The following SLC44A5 variants were observed in gnomAD, a reference collection of about 807,000 sequenced individuals.
The protein encoded by SLC44A5 is solute carrier family 44 member 5, also known as choline transporter-like protein 5.
A neutral mutation model predicts 101.8 loss-of-function variants in SLC44A5; 57 were observed. The observed-to-expected ratio is 0.56, with a 90% confidence interval of 0.45 to 0.70. SLC44A5 has a LOEUF of 0.70. Ranked by LOEUF, SLC44A5 falls within the 30% of genes least tolerant of loss-of-function variation. The pLI is 0.00. For synonymous variants in SLC44A5, 281 were observed against 290.9 expected (o/e 0.97, Z 0.35); for missense variants, 737 against 853.1 (o/e 0.86, Z 1.70).
intron 2 of SLC44A5, among the ~76,000 whole-genome samples, chr1:75,423,744 G>C (rs1198458116): frequency 6.6e-6 from 1 of 152,244 alleles, no homozygotes; most frequent in African/African-American, 2.4e-5. Flanking sequence ...ATAGTACTGA[G>C]TGACACCATT....
intron 2 of SLC44A5, 103 bp from the exon 3 acceptor site, chr1:75,396,724 T>C: frequency 1.1e-6 from 1 of 883,252 alleles, no homozygotes; most frequent in Non-Finnish European, 1.9e-6. Flanking sequence ...GTCTTTAGAC[T>C]AACACACAAA....
At chr1:75,427,542 CATTA>C (rs1246419017) in intron 2 of SLC44A5, among the ~76,000 whole-genome samples, 2 of 152,074 alleles carry the variant, frequency 1.3e-5, no homozygotes, top group Non-Finnish European at 2.9e-5. Context: ...GAAAATGTGC[CATTA>C]ATTAATCATG....
In SLC44A5 at chr1:75,217,909, T is replaced by C. The variant is rs745442093; in HGVS notation, c.1581A>G (p.Gln527=). ...AGTATTCTAGTACAATTTTAAACAT[T>C]TGAATTAATGCAATAATTAAAGATC... ...AFGSLIIALI[Q]MFKIVLEYLD... is the part of the protein sequence containing the mutation. The change falls in exon 18 of 24, where the codon CAA becomes CAG. Residue 527 remains glutamine (Q), a synonymous_variant. Transcript: ENST00000370859. The C allele has an allele frequency of 3.7e-6, 6 of 1,605,916 alleles. No individual in the cohort carries two copies. The highest frequency in any genetic ancestry group is 3.3e-5 in the South Asian group (3 of 90,856).
intron 23 of SLC44A5, chr1:75,206,337 C>T: frequency 3.2e-6 from 1 of 313,318 alleles, no homozygotes; most frequent in Non-Finnish European, 5.8e-6. Flanking sequence ...AAACAGCACG[C>T]TGAGTTATAA....
chr1:75,679,317 C>A, the SLC44A5 span, among the ~76,000 whole-genome samples: 1 of 152,126 alleles, frequency 6.6e-6, no homozygotes, highest in East Asian at 1.9e-4. Context: ...TTGTCAGATT[C>A]ACCAAAGTTG....
chr1:75,583,139 G>C (rs1220076421), intron 1 of SLC44A5, among the ~76,000 whole-genome samples: 1 of 152,182 alleles, frequency 6.6e-6, no homozygotes, highest in Non-Finnish European at 1.5e-5. Context: ...AAGAGAAGCT[G>C]TGAGAAGACA....
At chr1:75,374,652 C>G (rs1161828859) in intron 3 of SLC44A5, among the ~76,000 whole-genome samples, 1 of 152,150 alleles carries the variant, frequency 6.6e-6, no homozygotes, top group Non-Finnish European at 1.5e-5. Flanking sequence ...GACTCTTAAG[C>G]ACTATCTACT....
At chr1:75,462,400 C>T (rs936453105) in intron 2 of SLC44A5, among the ~76,000 whole-genome samples, 2 of 152,116 alleles carry the variant, frequency 1.3e-5, no homozygotes, top group Non-Finnish European at 2.9e-5. Flanking sequence ...CTGGAAAGCC[C>T]TCCCAAGAAA....
chr1:75,342,580 G>A (rs138786300), intron 3 of SLC44A5, among the ~76,000 whole-genome samples: 1 of 152,268 alleles, frequency 6.6e-6, no homozygotes, highest in Non-Finnish European at 1.5e-5. Context: ...TTAGCAGTAA[G>A]TTACTCACTG....
intron 4 of SLC44A5, among the ~76,000 whole-genome samples, chr1:75,327,647 C>T (rs1656702113): frequency 6.6e-6 from 1 of 152,126 alleles, no homozygotes. Flanking sequence ...ATCCTAATCC[C>T]TTATTTAACC....
chr1:75,602,359 G>A lies in SLC44A5; in HGVS notation c.-70+8681C>T, dbSNP rs551846604. On this transcript the variant is annotated intron_variant, in intron 1 of 23. Transcript: ENST00000370859. ...CATAAATCATTAAATACAAGTTGGT[G>A]TGTAGGAAGTGTGATAATTATTCAA... Among the ~76,000 whole-genome samples, 6 of 152,228 alleles carry A rather than the reference G, an allele frequency of 3.9e-5. No homozygotes were observed. The East Asian group carries it at 1.2e-3, about 29-fold the overall frequency.
intron 4 of SLC44A5, among the ~76,000 whole-genome samples, chr1:75,314,212 A>C (rs990843899): frequency 6.6e-6 from 1 of 152,170 alleles, no homozygotes; most frequent in African/African-American, 2.4e-5. Context: ...GCTACCAAAA[A>C]GCCACTTAAC....
At chr1:75,516,983 C>T (rs1212696765) in intron 2 of SLC44A5, among the ~76,000 whole-genome samples, 1 of 152,086 alleles carries the variant, frequency 6.6e-6, no homozygotes, top group Middle Eastern at 3.2e-3. Context: ...ACTTCTATAA[C>T]TAGCCTATTT....
the SLC44A5 span, among the ~76,000 whole-genome samples, chr1:75,656,832 T>C: frequency 1.3e-5 from 2 of 152,164 alleles, no homozygotes; most frequent in East Asian, 3.8e-4. Context: ...CTATCCATAA[T>C]AACATGAACT....
At chr1:75,615,770 C>A (rs1675852684), upstream of SLC44A5, 16 of 835,286 alleles carry the variant, frequency 1.9e-5, no homozygotes, top group South Asian at 6.5e-4. Flanking sequence ...CTTGGCCGCG[C>A]CTGGATGTAA....
intron 4 of SLC44A5, among the ~76,000 whole-genome samples, chr1:75,313,619 TGTGTTGTTTCTAG>T (rs1413736004): frequency 6.6e-6 from 1 of 152,164 alleles, no homozygotes; most frequent in Non-Finnish European, 1.5e-5. Context: ...CTTACTGAAC[TGTGTTGTTTCTAG>T]GTCTTGTCAA....
chr1:75,665,246 C>CA, the SLC44A5 span, among the ~76,000 whole-genome samples: 5 of 152,258 alleles, frequency 3.3e-5, no homozygotes, highest in South Asian at 8.3e-4. Context: ...GTTACTGGTA[C>CA]AAAAACAGAC....
At chr1:75,491,253 T>C (rs1668410655) in intron 2 of SLC44A5, among the ~76,000 whole-genome samples, 1 of 152,128 alleles carries the variant, frequency 6.6e-6, no homozygotes, top group Non-Finnish European at 1.5e-5. Flanking sequence ...TTGTGACTGG[T>C]TGTGATACCA....
the SLC44A5 span, among the ~76,000 whole-genome samples, chr1:75,717,612 T>C: frequency 3.9e-5 from 6 of 152,196 alleles, no homozygotes; most frequent in South Asian, 1.2e-3. Context: ...CCTAAAATAA[T>C]TTTTTTAAAA....
Sources: allele counts gnomAD v4.1 joint callset (sites outside exome capture counted in the v4.1 genomes callset), GRCh38; gene constraint gnomAD v4.1.1; transcripts MANE v1.5; gene names NCBI Gene and HGNC (gene_info 2026-07-23, HGNC 2026-07-21).